The following PTPRD variants were observed in gnomAD, a reference collection of about 807,000 sequenced individuals.
The protein encoded by PTPRD is receptor-type tyrosine-protein phosphatase delta.
PTPRD carries 34 observed loss-of-function variants against 214.5 expected under a neutral mutation model. That is an observed-to-expected ratio of 0.16 (90% CI 0.12 to 0.21). The LOEUF is 0.21. Ranked by LOEUF, PTPRD falls within the 10% of genes least tolerant of loss-of-function variation. The probability of loss-of-function intolerance (pLI) is 1.00; values close to 1 mark genes in which losing one functional copy is unlikely to be tolerated. For synonymous variants in PTPRD, 1,128 were observed against 845.7 expected (o/e 1.33, Z -5.79); for missense variants, 2,545 against 2,398.7 (o/e 1.06, Z -1.27).
chr9:9,403,388 A>G (rs181972206), intron 8 of PTPRD, among the ~76,000 whole-genome samples: 8 of 139,330 alleles, frequency 5.7e-5, no homozygotes, highest in Non-Finnish European at 1.2e-4. Context: ...GTTGTGATAC[A>G]TTTCTAAATA....
chr9:10,280,863 C>T (rs1159253414), intron 3 of PTPRD, among the ~76,000 whole-genome samples: 2 of 152,016 alleles, frequency 1.3e-5, no homozygotes, highest in East Asian at 1.9e-4. Context: ...TGTCCTCTCT[C>T]CTAGGCCTCC....
At chr9:8,335,973 G>A (rs1846257790) in intron 43 of PTPRD, among the ~76,000 whole-genome samples, 1 of 152,086 alleles carries the variant, frequency 6.6e-6, no homozygotes, top group Non-Finnish European at 1.5e-5. Context: ...GGACACAAAT[G>A]GAAGAACATT....
chr9:10,224,862 T>C (rs957839380), intron 3 of PTPRD, among the ~76,000 whole-genome samples: 1 of 152,096 alleles, frequency 6.6e-6, no homozygotes, highest in Non-Finnish European at 1.5e-5. Context: ...CTATTCCTTA[T>C]GATTTTCTTA....
intron 3 of PTPRD, among the ~76,000 whole-genome samples, chr9:10,141,921 C>G (rs1020971109): frequency 6.6e-6 from 1 of 152,082 alleles, no homozygotes; most frequent in Non-Finnish European, 1.5e-5. Flanking sequence ...GGTACCAAAA[C>G]AGAGATATAG....
intron 7 of PTPRD, among the ~76,000 whole-genome samples, chr9:9,593,629 G>A (rs529459886): frequency 1.3e-5 from 2 of 152,094 alleles, no homozygotes; most frequent in Admixed American, 6.6e-5. Flanking sequence ...AGAGCACCAT[G>A]AGAGCTTAGT....
At chr9:9,074,786 TG>T (rs1331167190) in intron 10 of PTPRD, among the ~76,000 whole-genome samples, 2 of 151,864 alleles carry the variant, frequency 1.3e-5, no homozygotes, top group East Asian at 3.9e-4. Context: ...ATGTACGGTT[TG>T]CAAATATTTT....
At chr9:10,525,298 A>G (rs939731378) in intron 2 of PTPRD, among the ~76,000 whole-genome samples, 1 of 152,082 alleles carries the variant, frequency 6.6e-6, no homozygotes. Flanking sequence ...TATTTCAGAT[A>G]AAAGTCTCCC....
chr9:8,778,639 T>C (rs1322330724), intron 11 of PTPRD, among the ~76,000 whole-genome samples: 2 of 152,180 alleles, frequency 1.3e-5, no homozygotes, highest in African/African-American at 2.4e-5. Context: ...CTAAGAGATG[T>C]GGATTCCACT....
In PTPRD at chr9:8,362,533, C is replaced by A. The variant is rs140328094; in HGVS notation, c.4661+13403G>T. On this transcript the variant is annotated intron_variant, in intron 39 of 45. Transcript: ENST00000381196. ...TGAGTCCAGACTGAGAAAGCCTCTG[C>A]CCAATTGATTAGAATTGGAGTTGGT... Among the ~76,000 whole-genome samples the A allele has an allele frequency of 1.9e-3, 288 of 152,212 alleles. 5 individuals carry two copies. In the East Asian group the frequency reaches 0.031, roughly 16 times the overall value.
chr9:10,561,701 CAGA>C, intron 2 of PTPRD, among the ~76,000 whole-genome samples: 1 of 152,244 alleles, frequency 6.6e-6, no homozygotes. Flanking sequence ...TTTCTATCCT[CAGA>C]AGGTTTCACT....
intron 9 of PTPRD, among the ~76,000 whole-genome samples, chr9:9,352,532 A>G (rs1471437525): frequency 6.6e-6 from 1 of 151,874 alleles, no homozygotes; most frequent in Non-Finnish European, 1.5e-5. Flanking sequence ...TTCTGGAGTT[A>G]GTCCAGAGAC....
At chr9:8,842,590 A>C (rs978925511) in intron 11 of PTPRD, among the ~76,000 whole-genome samples, 1 of 152,046 alleles carries the variant, frequency 6.6e-6, no homozygotes, top group African/African-American at 2.4e-5. Flanking sequence ...TAGGGGGTTA[A>C]AGTGTTAGGC....
chr9:9,954,211 G>C (rs138942688), intron 4 of PTPRD, among the ~76,000 whole-genome samples: 1 of 143,566 alleles, frequency 7.0e-6, no homozygotes, highest in South Asian at 2.2e-4. Context: ...GATGAGAATC[G>C]CTTGAACCTG....
chr9:10,252,872 C>T (rs2092915474), intron 3 of PTPRD, among the ~76,000 whole-genome samples: 2 of 152,194 alleles, frequency 1.3e-5, no homozygotes, highest in Admixed American at 1.3e-4. Flanking sequence ...CAACCTCCGC[C>T]TCCCGGGTTC....
intron 12 of PTPRD, among the ~76,000 whole-genome samples, chr9:8,664,940 T>C (rs1026887372): frequency 3.4e-4 from 52 of 152,308 alleles, no homozygotes; most frequent in African/African-American, 1.2e-3. Flanking sequence ...ATTGGCACAG[T>C]CTGGGAAATG....
At chr9:8,927,981 T>A (rs533467446) in intron 11 of PTPRD, among the ~76,000 whole-genome samples, 1 of 152,202 alleles carries the variant, frequency 6.6e-6, no homozygotes, top group African/African-American at 2.4e-5. Context: ...TTTTTTCATA[T>A]TTGTTGGCCA....
intron 9 of PTPRD, among the ~76,000 whole-genome samples, chr9:9,223,077 T>A (rs956607406): frequency 1.3e-5 from 2 of 152,024 alleles, no homozygotes; most frequent in Admixed American, 1.3e-4. Context: ...TTTCTACTTA[T>A]GAGAAACATA....
At chr9:9,008,707 C>T (rs1414985979) in intron 11 of PTPRD, among the ~76,000 whole-genome samples, 1 of 152,112 alleles carries the variant, frequency 6.6e-6, no homozygotes, top group East Asian at 1.9e-4. Flanking sequence ...TGCTATTTAA[C>T]ATAATTTTGG....
At chr9:9,716,204 T>A (rs2097826044) in intron 7 of PTPRD, among the ~76,000 whole-genome samples, 1 of 152,204 alleles carries the variant, frequency 6.6e-6, no homozygotes, top group South Asian at 2.1e-4. Flanking sequence ...TATGGCTGCA[T>A]AGTATTCCAT....
Sources: allele counts gnomAD v4.1 joint callset (sites outside exome capture counted in the v4.1 genomes callset), GRCh38; gene constraint gnomAD v4.1.1; transcripts MANE v1.5; gene names NCBI Gene and HGNC (gene_info 2026-07-23, HGNC 2026-07-21).